The following COBLL1 variants were observed in gnomAD, a reference collection of about 807,000 sequenced individuals.
COBLL1 encodes the protein cordon-bleu WH2 repeat protein like 1.
In COBLL1, 50 loss-of-function variants were observed where a neutral mutation model predicts 94.8. The ratio of observed to expected loss-of-function variants is 0.53; its 90% CI spans 0.42 to 0.67. The LOEUF (loss-of-function observed/expected upper bound fraction) is 0.67, where lower values mean the gene tolerates loss of function less well. Among genes scored for constraint, COBLL1 ranks in the 30% least tolerant of loss-of-function variants. The probability of loss-of-function intolerance (pLI) is 0.00; values close to 1 mark genes in which losing one functional copy is unlikely to be tolerated. For missense variants in COBLL1, 1,362 were observed against 1,348.7 expected (o/e 1.01, Z -0.15); for synonymous variants, 448 against 473.8 (o/e 0.95, Z 0.71).
At chr2:164,721,904 C>G in intron 7 of COBLL1, 171 bp downstream of exon 7, 1 of 463,860 alleles carries the variant, frequency 2.2e-6, no homozygotes, top group Non-Finnish European at 3.8e-6. Flanking sequence ...TTCCTAGTAC[C>G]AATCTTAGAA....
In COBLL1 at chr2:164,681,661, G is replaced by C. The variant is rs1462248152; in HGVS notation, c.*4285C>G. 6.6e-6 allele frequency: 1 copy of C among 152,208 alleles called. No individual in the cohort carries two copies. Among genetic ancestry groups the C allele is most frequent in the African/African-American group, 2.4e-5 (1 of 41,448 alleles). 9.4% of individuals were successfully genotyped at this position (152,208 alleles called of 1,614,324 possible). On this transcript the variant is annotated 3_prime_UTR_variant, in exon 14 of 14. Transcript: ENST00000652658. ...TATCGCTATCGCAAGGCGTGGGCTG[G>C]AAACTAAGAATAAACTGGGGAGCAA... is the stretch of plus-strand genomic sequence containing the variant.
chr2:164,771,801 T>C (rs553278674), intron 2 of COBLL1: 3 of 152,112 alleles, frequency 2.0e-5, no homozygotes, highest in South Asian at 4.1e-4. Flanking sequence ...TTCCAAGTTA[T>C]AGCTATGTAA....
At chr2:164,704,375 G>A in intron 9 of COBLL1, 69 bp downstream of exon 9, 1 of 1,007,422 alleles carries the variant, frequency 9.9e-7, no homozygotes. Flanking sequence ...ATCGCAAATG[G>A]ACTCATTTCT....
intron 3 of COBLL1, among the ~76,000 whole-genome samples, chr2:164,738,633 G>A (rs1001711408): frequency 2.6e-5 from 4 of 152,148 alleles, no homozygotes; most frequent in Non-Finnish European, 5.9e-5. Flanking sequence ...GATGTTTATC[G>A]ATTATATACA....
intron 2 of COBLL1, among the ~76,000 whole-genome samples, chr2:164,750,738 T>C (rs1687082671): frequency 6.6e-6 from 1 of 152,200 alleles, no homozygotes; most frequent in African/African-American, 2.4e-5. Flanking sequence ...TTCTTTTCCT[T>C]GGCTTGCAGG....
intron 2 of COBLL1, among the ~76,000 whole-genome samples, chr2:164,777,603 A>G (rs1427740423): frequency 6.6e-6 from 1 of 152,214 alleles, no homozygotes; most frequent in Non-Finnish European, 1.5e-5. Flanking sequence ...AGGGAAAATG[A>G]GAACACAATC....
At chr2:164,803,440 C>T (rs1314333413) in intron 2 of COBLL1, among the ~76,000 whole-genome samples, 5 of 150,658 alleles carry the variant, frequency 3.3e-5, no homozygotes, top group African/African-American at 1.2e-4. Flanking sequence ...TGGCGGGCGC[C>T]TGTAGTCCCA....
chr2:164,664,257 T>C (rs1349060316), intron 2 of COBLL1, among the ~76,000 whole-genome samples: 2 of 152,232 alleles, frequency 1.3e-5, no homozygotes, highest in Admixed American at 1.3e-4. Context: ...TAACATGTCA[T>C]CTATGAAAAC....
At chr2:164,738,166 T>C (rs2105544552) in intron 3 of COBLL1, 1 of 152,334 alleles carries the variant, frequency 6.6e-6, no homozygotes, top group East Asian at 1.9e-4. Context: ...GGTGCTTATT[T>C]CTTCCTCCCT....
chr2:164,705,989 G>A (rs1684573388), intron 7 of COBLL1, among the ~76,000 whole-genome samples: 1 of 152,172 alleles, frequency 6.6e-6, no homozygotes, highest in South Asian at 2.1e-4. Context: ...AGCCAAGATT[G>A]CGCCATTGCA....
intron 2 of COBLL1, among the ~76,000 whole-genome samples, chr2:164,802,742 TA>T (rs1683875678): frequency 6.6e-6 from 1 of 152,212 alleles, no homozygotes; most frequent in Non-Finnish European, 1.5e-5. Flanking sequence ...TTTTGATACA[TA>T]ACTATTTTTG....
intron 7 of COBLL1, among the ~76,000 whole-genome samples, chr2:164,718,590 G>T (rs1415235386): frequency 6.6e-6 from 1 of 152,172 alleles, no homozygotes; most frequent in Non-Finnish European, 1.5e-5. Context: ...AGAACTTGGT[G>T]GGGGATAGGG....
intron 3 of COBLL1, among the ~76,000 whole-genome samples, chr2:164,740,885 G>A (rs1017255663): frequency 6.6e-6 from 1 of 150,910 alleles, no homozygotes; most frequent in Non-Finnish European, 1.5e-5. Context: ...TGAGTTACAC[G>A]AGGGGGGGAA....
Position 164,699,483 on chromosome 2 carries a change from C to A in COBLL1, c.1477G>T (p.Val493Leu), listed in dbSNP as rs1453597464. Residue 493 changes from valine (V) to leucine (L), a missense_variant, in exon 11 of 14, where the codon GTA (valine) becomes TTA (leucine). By Grantham distance (32) the Val-to-Leu change is conservative. Transcript: ENST00000652658. ...STDGQEPHSV[V>L]YDTSNGKKVV... ...TTCTTTCCATTGCTTGTATCATATA[C>A]TACACTGTGTGGTTCTCTGGAAGAT... 2 of 1,610,344 alleles carry A rather than the reference C, an allele frequency of 1.2e-6. No individual in the cohort carries two copies. Among genetic ancestry groups the A allele is most frequent in the Admixed American group, 3.3e-5 (2 of 59,956 alleles).
chr2:164,664,494 T>C (rs1208198526), intron 2 of COBLL1, among the ~76,000 whole-genome samples: 1 of 152,192 alleles, frequency 6.6e-6, no homozygotes, highest in Non-Finnish European at 1.5e-5. Context: ...AGTATTTCCA[T>C]ATGAATAACT....
chr2:164,807,969 ACCACCACG>A (rs2105334024), intron 2 of COBLL1, among the ~76,000 whole-genome samples: 1 of 152,104 alleles, frequency 6.6e-6, no homozygotes, highest in East Asian at 1.9e-4. Flanking sequence ...ACAGGCATGC[ACCACCACG>A]CCCAGCTAAT....
chr2:164,800,621 A>G, intron 2 of COBLL1: 1 of 694,800 alleles, frequency 1.4e-6, no homozygotes, highest in Non-Finnish European at 2.6e-6. Context: ...TGAATGTTCT[A>G]TTCATAATGA....
chr2:164,726,226 G>A (rs1685715790), intron 5 of COBLL1, among the ~76,000 whole-genome samples: 1 of 152,098 alleles, frequency 6.6e-6, no homozygotes, highest in Non-Finnish European at 1.5e-5. Context: ...TCAAGTACAA[G>A]TAATAAAATG....
In COBLL1 at chr2:164,841,417, C is replaced by G. The variant is rs1016314829; in HGVS notation, c.-50-171G>C. Reference sequence around the variant, plus strand: ...GCTCCCAGCCCGCGGGCGCCGCCGCCGTCTCTACAAGGTCTAGCGGGCGCC... The same window carrying G: ...GCTCCCAGCCCGCGGGCGCCGCCGCGGTCTCTACAAGGTCTAGCGGGCGCC... On this transcript the variant is annotated intron_variant, in intron 1 of 13. Coordinates refer to ENST00000652658, the MANE Select transcript of COBLL1 (RefSeq NM_001365672.2). The surrounding 1 kb of genome is among the most constrained non-coding windows in gnomAD (Gnocchi z 5.5). 24 of 1,161,844 alleles carry G rather than the reference C, an allele frequency of 2.1e-5. No individual in the cohort carries two copies. In the Middle Eastern group the frequency reaches 2.4e-3, roughly 118 times the overall value. The allele number at this position is 1,161,844 out of a possible 1,614,324, so 72.0% of individuals were successfully genotyped here.
Sources: allele counts gnomAD v4.1 joint callset (sites outside exome capture counted in the v4.1 genomes callset), GRCh38; gene constraint gnomAD v4.1.1; non-coding constraint Gnocchi (gnomAD v3.1); transcripts MANE v1.5; gene names NCBI Gene and HGNC (gene_info 2026-07-23, HGNC 2026-07-21).